CNTNAP2: variants seen among roughly 807,000 people sequenced by gnomAD.
The protein encoded by CNTNAP2 is contactin-associated protein-like 2.
A neutral mutation model predicts 155.2 loss-of-function variants in CNTNAP2; 98 were observed. The observed-to-expected ratio is 0.63, with a 90% CI of 0.54 to 0.75. The LOEUF (loss-of-function observed/expected upper bound fraction) is 0.75, where lower values mean the gene tolerates loss of function less well. CNTNAP2 is among the 30% of genes least tolerant of loss of function. CNTNAP2 has a pLI of 0.00. For missense variants in CNTNAP2, 1,727 were observed against 1,688.1 expected (o/e 1.02, Z -0.40); for synonymous variants, 651 against 631.2 (o/e 1.03, Z -0.47).
intron 3 of CNTNAP2, among the ~76,000 whole-genome samples, chr7:146,854,054 C>T (rs1486263386): frequency 6.6e-6 from 1 of 152,124 alleles, no homozygotes; most frequent in Non-Finnish European, 1.5e-5. Flanking sequence ...TTTGCAGCAA[C>T]AGGGAGATGA....
In CNTNAP2 at chr7:146,865,388, C is replaced by A. The variant is rs559141662; in HGVS notation, c.402+25484C>A. 5.3e-5 allele frequency among the ~76,000 whole-genome samples: 8 copies of A among 151,776 alleles called. No individual in the cohort carries two copies. The South Asian group carries it at 1.7e-3, about 32-fold the overall frequency. On this transcript the variant is annotated intron_variant, in intron 3 of 23. Coordinates refer to ENST00000361727, the MANE Select transcript of CNTNAP2 (RefSeq NM_014141.6). ...GGTTTGAAAAAAATTGGAGGAAATA[C>A]AAGAATTTCAAAAATTACTATAAAC...
intron 15 of CNTNAP2, among the ~76,000 whole-genome samples, chr7:147,997,362 T>G (rs2116888817): frequency 6.6e-6 from 1 of 152,170 alleles, no homozygotes; most frequent in South Asian, 2.1e-4. Flanking sequence ...AAGACCAGCC[T>G]GACCAACATG....
intron 8 of CNTNAP2, among the ~76,000 whole-genome samples, chr7:147,170,760 G>C (rs1040677189): frequency 6.6e-6 from 1 of 152,174 alleles, no homozygotes; most frequent in Non-Finnish European, 1.5e-5. Context: ...ACACACTCCA[G>C]TGGAACACAG....
chr7:146,269,478 AT>A (rs1800046514), intron 1 of CNTNAP2, among the ~76,000 whole-genome samples: 2 of 152,238 alleles, frequency 1.3e-5, no homozygotes, highest in Admixed American at 6.5e-5. Flanking sequence ...TAACTGATGC[AT>A]TCCAAGTTAC....
In CNTNAP2 at chr7:148,418,576, T is replaced by C. The variant is rs1270593790; in HGVS notation, c.*2960T>C. On this transcript the variant is annotated 3_prime_UTR_variant, in exon 24 of 24. Transcript: ENST00000361727. ...AAGCTAGGAGATGACTTTGAATGAA[T>C]GCAAGGTTAGTGAGATCCTAAGCTC... 3 of 152,222 alleles carry C rather than the reference T, an allele frequency of 2.0e-5. No individual in the cohort carries two copies. The highest frequency in any genetic ancestry group is 4.4e-5 in the Non-Finnish European group (3 of 68,040). The allele number at this position is 152,222 out of a possible 1,614,324, so 9.4% of individuals were successfully genotyped here.
chr7:146,409,546 A>G (rs1470423953), intron 1 of CNTNAP2, among the ~76,000 whole-genome samples: 3 of 152,188 alleles, frequency 2.0e-5, no homozygotes, highest in Non-Finnish European at 4.4e-5. Context: ...TTTAAATATC[A>G]GATATGTCAA....
chr7:147,243,958 A>G (rs1276717210), intron 8 of CNTNAP2, among the ~76,000 whole-genome samples: 1 of 152,214 alleles, frequency 6.6e-6, no homozygotes, highest in Admixed American at 6.5e-5. Flanking sequence ...TATTGAAGAC[A>G]TAGACAGTTT....
At chr7:147,413,779 G>C (rs1797141973) in intron 10 of CNTNAP2, among the ~76,000 whole-genome samples, 1 of 152,144 alleles carries the variant, frequency 6.6e-6, no homozygotes, top group Non-Finnish European at 1.5e-5. Context: ...GAACACAGCA[G>C]AGCTCCAGCC....
At chr7:146,759,070 T>C in intron 1 of CNTNAP2, among the ~76,000 whole-genome samples, 1 of 151,924 alleles carries the variant, frequency 6.6e-6, no homozygotes, top group East Asian at 1.9e-4. Context: ...TTTGTTTTCT[T>C]TTGGATTGGT....
At chr7:147,943,549 A>G (rs768367634) in intron 14 of CNTNAP2, among the ~76,000 whole-genome samples, 3 of 152,008 alleles carry the variant, frequency 2.0e-5, no homozygotes, top group African/African-American at 4.8e-5. Context: ...TGGGCAGATC[A>G]CTAGAGGCCA....
At chr7:148,161,186 A>G (rs921647266) in intron 17 of CNTNAP2, among the ~76,000 whole-genome samples, 2 of 152,138 alleles carry the variant, frequency 1.3e-5, no homozygotes, top group African/African-American at 4.8e-5. Flanking sequence ...GGATTCTGCT[A>G]ATTTTGCTGC....
chr7:147,706,920 A>G (rs1307214434), intron 13 of CNTNAP2, among the ~76,000 whole-genome samples: 2 of 152,098 alleles, frequency 1.3e-5, no homozygotes, highest in Non-Finnish European at 2.9e-5. Flanking sequence ...TATATTGTTG[A>G]AGCTTTCAAA....
At chr7:147,151,252 A>G (rs1242871513) in intron 8 of CNTNAP2, among the ~76,000 whole-genome samples, 3 of 152,168 alleles carry the variant, frequency 2.0e-5, no homozygotes, top group African/African-American at 7.2e-5. Flanking sequence ...CTAGTGAAAA[A>G]CAATGAAGTG....
At chr7:147,284,966 C>T (rs943882866) in intron 8 of CNTNAP2, among the ~76,000 whole-genome samples, 1 of 151,788 alleles carries the variant, frequency 6.6e-6, no homozygotes, top group Non-Finnish European at 1.5e-5. Flanking sequence ...AAAAACCTAC[C>T]TGTAAAAGGT....
At chr7:146,910,719 C>CATTACCTG (rs1452136601) in intron 3 of CNTNAP2, among the ~76,000 whole-genome samples, 1 of 149,712 alleles carries the variant, frequency 6.7e-6, no homozygotes, top group Non-Finnish European at 1.5e-5. Context: ...AAAACCTAGG[C>CATTACCTG]ATTACCATTC....
At chr7:147,621,217 C>T (rs1234672230) in intron 12 of CNTNAP2, among the ~76,000 whole-genome samples, 1 of 152,026 alleles carries the variant, frequency 6.6e-6, no homozygotes, top group African/African-American at 2.4e-5. Flanking sequence ...CAGACCTGTC[C>T]TATGAGAAAT....
chr7:147,254,182 A>C (rs568231771), intron 8 of CNTNAP2, among the ~76,000 whole-genome samples: 40 of 152,286 alleles, frequency 2.6e-4, no homozygotes, highest in African/African-American at 8.9e-4. Context: ...GTCTGTTCTC[A>C]TGGAGTCAGT....
At chr7:146,210,277 T>G (rs1266781511) in intron 1 of CNTNAP2, among the ~76,000 whole-genome samples, 8 of 152,174 alleles carry the variant, frequency 5.3e-5, no homozygotes, top group African/African-American at 1.9e-4. Flanking sequence ...AAGATGATTG[T>G]CTTCCTATTA....
At chr7:147,617,103 C>A (rs1563023529) in intron 12 of CNTNAP2, among the ~76,000 whole-genome samples, 2 of 152,054 alleles carry the variant, frequency 1.3e-5, no homozygotes, top group Non-Finnish European at 2.9e-5. Flanking sequence ...GGTGTGTGTT[C>A]TGAGCAATAA....
Sources: gnomAD v4.1 joint callset for allele counts (sites outside exome capture counted in the v4.1 genomes callset) on GRCh38, gnomAD v4.1.1 for gene constraint, MANE v1.5 for transcripts, NCBI Gene and HGNC (gene_info 2026-07-23, HGNC 2026-07-21) for gene names.